Variants in FGF14 observed in about 807,000 individuals in gnomAD.
The protein encoded by FGF14 is fibroblast growth factor 14.
Under a neutral mutation model 25.5 loss-of-function variants are expected in FGF14, and 5 were observed. The ratio of observed to expected loss-of-function variants is 0.20; its 90% CI spans 0.10 to 0.41. The LOEUF (loss-of-function observed/expected upper bound fraction) is 0.41, where lower values mean the gene tolerates loss of function less well. Among genes scored for constraint, FGF14 ranks in the 10% least tolerant of loss-of-function variants. The pLI, the probability that FGF14 is intolerant of heterozygous loss-of-function variation, is 1.00. For synonymous variants in FGF14, 138 were observed against 118.3 expected (o/e 1.17, Z -1.08); for missense variants, 222 against 320.1 (o/e 0.69, Z 2.34).
intron 1 of FGF14, among the ~76,000 whole-genome samples, chr13:101,927,055 TCAC>T (rs1389874169): frequency 2.0e-5 from 3 of 152,170 alleles, no homozygotes; most frequent in Non-Finnish European, 2.9e-5. Context: ...CAAGCCCTGC[TCAC>T]CACATTTTTC....
intron 3 of FGF14, among the ~76,000 whole-genome samples, chr13:101,795,633 C>T (rs891904349): frequency 3.9e-5 from 6 of 152,060 alleles, no homozygotes; most frequent in African/African-American, 1.2e-4. Flanking sequence ...GCAATGGCAG[C>T]CTGGATAGCA....
chr13:102,278,216 C>A (rs79057865), intron 1 of FGF14, among the ~76,000 whole-genome samples: 4 of 152,322 alleles, frequency 2.6e-5, no homozygotes, highest in Non-Finnish European at 5.9e-5. Flanking sequence ...GCTAAGGGTT[C>A]TGAAGAGTGC....
intron 1 of FGF14, among the ~76,000 whole-genome samples, chr13:102,229,067 G>A (rs1169883874): frequency 1.3e-5 from 2 of 152,000 alleles, no homozygotes; most frequent in Admixed American, 1.3e-4. Flanking sequence ...ATCTTGAATG[G>A]TTATGCACCC....
chr13:102,345,794 A>G (rs954558181), intron 1 of FGF14, among the ~76,000 whole-genome samples: 24 of 152,186 alleles, frequency 1.6e-4, no homozygotes, highest in African/African-American at 4.8e-4. Context: ...TATATATTCT[A>G]TTTCTTCAGG....
intron 3 of FGF14, among the ~76,000 whole-genome samples, chr13:101,777,208 T>C (rs1409652056): frequency 6.6e-6 from 1 of 152,172 alleles, no homozygotes; most frequent in African/African-American, 2.4e-5. Flanking sequence ...TTGTCTTAAC[T>C]TTTCATCTAA....
chr13:101,922,971 C>T (rs898654648), intron 1 of FGF14, among the ~76,000 whole-genome samples: 7 of 152,150 alleles, frequency 4.6e-5, no homozygotes, highest in South Asian at 4.2e-4. Context: ...GCCATTGCCA[C>T]GGCCACTATT....
intron 1 of FGF14, among the ~76,000 whole-genome samples, chr13:102,073,656 T>TC: frequency 6.6e-6 from 1 of 152,122 alleles, no homozygotes; most frequent in South Asian, 2.1e-4. Context: ...AACCTTTCAT[T>TC]AGTTGACTAA....
At chr13:102,086,069 G>A (rs1439084677) in intron 1 of FGF14, among the ~76,000 whole-genome samples, 2 of 152,088 alleles carry the variant, frequency 1.3e-5, no homozygotes, top group African/African-American at 2.4e-5. Flanking sequence ...ACCCATGTAG[G>A]GATTAATTAA....
intron 1 of FGF14, among the ~76,000 whole-genome samples, chr13:102,119,479 A>C (rs2045619732): frequency 6.6e-6 from 1 of 152,208 alleles, no homozygotes; most frequent in Non-Finnish European, 1.5e-5. Flanking sequence ...TATGAACAGA[A>C]TACTAAACGA....
chr13:102,161,667 G>GTACCCC (rs766702253), intron 1 of FGF14, among the ~76,000 whole-genome samples: 2,950 of 48,966 alleles, frequency 0.06, 217 homozygotes, highest in African/African-American at 0.1. Context: ...AGAAGAAGAA[G>GTACCCC]AAGAAGAAGA....
rs375219635 is a variant in FGF14 at position 102,040,952 on chromosome 13, TCA to T, written c.209-165658_209-165657del. 4.8e-3 allele frequency among the ~76,000 whole-genome samples: 728 copies of T among 152,198 alleles called. 8 individuals are homozygous for T. The highest frequency in any genetic ancestry group is 0.016 in the African/African-American group (679 of 41,538). On this transcript the variant is annotated intron_variant, in intron 1 of 4. Transcript: ENST00000376131. ...TGGTAGTAAAAAATCGCTTACCTAA[TCA>T]CAGATTGGTGCACCTGTTGAGGCAG...
At chr13:102,340,660 G>C in intron 1 of FGF14, among the ~76,000 whole-genome samples, 1 of 152,088 alleles carries the variant, frequency 6.6e-6, no homozygotes, top group Non-Finnish European at 1.5e-5. Context: ...AAAAGAAATA[G>C]AGAAAGTGTC....
chr13:102,001,939 C>T (rs1336633225), intron 1 of FGF14, among the ~76,000 whole-genome samples: 1 of 152,172 alleles, frequency 6.6e-6, no homozygotes, highest in Non-Finnish European at 1.5e-5. Flanking sequence ...CACATCTACA[C>T]CTCCTGGGAC....
At chr13:102,058,299 A>G (rs2042525480) in intron 1 of FGF14, among the ~76,000 whole-genome samples, 1 of 152,236 alleles carries the variant, frequency 6.6e-6, no homozygotes. Context: ...CAGAAAGTGA[A>G]TAACACGGAA....
At chr13:101,913,837 G>A (rs1194618195) in intron 1 of FGF14, among the ~76,000 whole-genome samples, 1 of 150,974 alleles carries the variant, frequency 6.6e-6, no homozygotes, top group East Asian at 1.9e-4. Context: ...CTTTATCCCA[G>A]CTCTCTTCAT....
At chr13:102,257,640 T>C (rs904195793) in intron 1 of FGF14, among the ~76,000 whole-genome samples, 1 of 152,114 alleles carries the variant, frequency 6.6e-6, no homozygotes, top group Non-Finnish European at 1.5e-5. Flanking sequence ...GCCGTTTGCA[T>C]GTGCATTTCT....
intron 1 of FGF14, among the ~76,000 whole-genome samples, chr13:102,250,167 G>C (rs908586163): frequency 6.6e-6 from 1 of 152,122 alleles, no homozygotes; most frequent in Non-Finnish European, 1.5e-5. Context: ...AACAGAGCTA[G>C]GTCACAACTG....
intron 1 of FGF14, among the ~76,000 whole-genome samples, chr13:101,974,768 A>G (rs2037821126): frequency 6.6e-6 from 1 of 152,160 alleles, no homozygotes; most frequent in Non-Finnish European, 1.5e-5. Context: ...GTAGTACAAA[A>G]AGAATTTTTC....
At chr13:101,954,371 T>A (rs1293752894) in intron 1 of FGF14, among the ~76,000 whole-genome samples, 3 of 152,058 alleles carry the variant, frequency 2.0e-5, no homozygotes, top group East Asian at 3.9e-4. Context: ...TCAAATAATG[T>A]CCCTGGTCTA....
Sources: allele counts gnomAD v4.1 joint callset (sites outside exome capture counted in the v4.1 genomes callset), GRCh38; gene constraint gnomAD v4.1.1; transcripts MANE v1.5; gene names NCBI Gene and HGNC (gene_info 2026-07-23, HGNC 2026-07-21).